Variants in ABTB3 observed in about 807,000 individuals in gnomAD.
ABTB3 encodes ankyrin repeat and BTB domain containing 3.
chr12:107,637,406 A>C, the ABTB3 span, among the ~76,000 whole-genome samples: 1 of 152,182 alleles, frequency 6.6e-6, no homozygotes, highest in African/African-American at 2.4e-5. Context: ...AATTTAAAAA[A>C]AAAATGTTTT....
At chr12:107,519,499 G>A in the ABTB3 span, among the ~76,000 whole-genome samples, 1 of 151,868 alleles carries the variant, frequency 6.6e-6, no homozygotes, top group African/African-American at 2.4e-5. Flanking sequence ...TATATTTTTA[G>A]TAGAGACGGT....
the ABTB3 span, among the ~76,000 whole-genome samples, chr12:107,544,609 C>G: frequency 6.6e-6 from 1 of 152,182 alleles, no homozygotes; most frequent in Non-Finnish European, 1.5e-5. Context: ...TCTTTGAAGC[C>G]AAATCCTCAT....
the ABTB3 span, among the ~76,000 whole-genome samples, chr12:107,577,713 T>A: frequency 6.6e-6 from 1 of 152,132 alleles, no homozygotes; most frequent in Non-Finnish European, 1.5e-5. Flanking sequence ...CTCCCTCCTC[T>A]GCTCATCTCA....
the ABTB3 span, among the ~76,000 whole-genome samples, chr12:107,612,481 T>C: frequency 2.0e-5 from 3 of 152,314 alleles, no homozygotes; most frequent in African/African-American, 7.2e-5. Flanking sequence ...GAGCTTTAAG[T>C]GTTTAGCAAA....
At chr12:107,363,411 A>G in the ABTB3 span, among the ~76,000 whole-genome samples, 1 of 152,232 alleles carries the variant, frequency 6.6e-6, no homozygotes, top group African/African-American at 2.4e-5. Flanking sequence ...ATCTGCTTTA[A>G]TTTAGGGAGA....
chr12:107,470,014 C>CTCTCTCTCTT, the ABTB3 span, among the ~76,000 whole-genome samples: 1 of 65,486 alleles, frequency 1.5e-5, no homozygotes, highest in African/African-American at 7.4e-5. Flanking sequence ...CTTTCTTTCT[C>CTCTCTCTCTT]TCTCTCTCTC....
At chr12:107,469,948 CTTTCTTTCTTTCTT>C in the ABTB3 span, among the ~76,000 whole-genome samples, 5 of 42,824 alleles carry the variant, frequency 1.2e-4, 1 homozygote, top group East Asian at 6.8e-4. Context: ...CTTTCTCTTT[CTTTCTTTCTTTCTT>C]TCTTTCTTTC....
chr12:107,574,010 A>T, the ABTB3 span, among the ~76,000 whole-genome samples: 1 of 152,212 alleles, frequency 6.6e-6, no homozygotes, highest in Non-Finnish European at 1.5e-5. Context: ...TATTCCCAGG[A>T]TGATACTAAA....
At chr12:107,646,675 G>A in the ABTB3 span, among the ~76,000 whole-genome samples, 1 of 152,160 alleles carries the variant, frequency 6.6e-6, no homozygotes, top group African/African-American at 2.4e-5. Context: ...ACACAGACAG[G>A]CGAGGATTCG....
chr12:107,321,470 G>A, the ABTB3 span, among the ~76,000 whole-genome samples: 5 of 152,242 alleles, frequency 3.3e-5, 1 homozygote, highest in Middle Eastern at 6.8e-3. Flanking sequence ...GGAGCAAAGC[G>A]GGTGTGTGTT....
At chr12:107,640,236 C>A in the ABTB3 span, 13 of 834,660 alleles carry the variant, frequency 1.6e-5, no homozygotes, top group African/African-American at 2.1e-4. Flanking sequence ...CTCTTATTTG[C>A]ACTTTCTACA....
chr12:107,435,199 TGTG>T, the ABTB3 span, among the ~76,000 whole-genome samples: 1 of 152,250 alleles, frequency 6.6e-6, no homozygotes, highest in Non-Finnish European at 1.5e-5. Flanking sequence ...TGTGGGCACA[TGTG>T]TTTATGGAAA....
the ABTB3 span, among the ~76,000 whole-genome samples, chr12:107,588,509 G>T: frequency 3.3e-5 from 5 of 152,066 alleles, no homozygotes; most frequent in African/African-American, 1.2e-4. Context: ...TCCATTTTTT[G>T]TGTGTGTGGT....
chr12:107,333,921 A>G, the ABTB3 span, among the ~76,000 whole-genome samples: 1 of 152,204 alleles, frequency 6.6e-6, no homozygotes, highest in Admixed American at 6.5e-5. Flanking sequence ...CACTCCAAAG[A>G]TGACATTGTG....
chr12:107,452,388 A>G, the ABTB3 span, among the ~76,000 whole-genome samples: 2 of 151,596 alleles, frequency 1.3e-5, no homozygotes, highest in Non-Finnish European at 2.9e-5. Flanking sequence ...TTGTATTTTT[A>G]GTAGAGACGG....
At chr12:107,436,371 G>A in the ABTB3 span, among the ~76,000 whole-genome samples, 1 of 152,236 alleles carries the variant, frequency 6.6e-6, no homozygotes, top group South Asian at 2.1e-4. Flanking sequence ...CCCATGCTGG[G>A]AGTGACAAGC....
chr12:107,319,058 G>T, the ABTB3 span: 5 of 1,613,492 alleles, frequency 3.1e-6, no homozygotes, highest in Non-Finnish European at 4.2e-6. Context: ...GTGCTGTTCC[G>T]ACTCGCACCC....
chr12:107,420,795 C>A, the ABTB3 span, among the ~76,000 whole-genome samples: 3 of 152,178 alleles, frequency 2.0e-5, no homozygotes, highest in African/African-American at 4.8e-5. Context: ...CTTTTCTGCA[C>A]CCTGGGGATT....
the ABTB3 span, among the ~76,000 whole-genome samples, chr12:107,437,830 G>A: frequency 3.3e-5 from 5 of 152,166 alleles, no homozygotes; most frequent in Admixed American, 6.5e-5. Context: ...CCAGAATAAG[G>A]TCACATTCAC....
Sources: gnomAD v4.1 joint callset for allele counts (sites outside exome capture counted in the v4.1 genomes callset) on GRCh38, gnomAD v4.1.1 for gene constraint, MANE v1.5 for transcripts, NCBI Gene and HGNC (gene_info 2026-07-23, HGNC 2026-07-21) for gene names.